The following ANO3 variants were observed in gnomAD, a reference collection of about 807,000 sequenced individuals.
ANO3 encodes anoctamin 3, also known as anoctamin-3.
ANO3 carries 99 observed loss-of-function variants against 144.8 expected under a neutral mutation model. The ratio of observed to expected loss-of-function variants is 0.68; its 90% confidence interval spans 0.58 to 0.81. ANO3 has a LOEUF of 0.81. ANO3 is among the 30% of genes least tolerant of loss of function. The pLI, the probability that ANO3 is intolerant of heterozygous loss-of-function variation, is 0.00. For missense variants in ANO3, 905 were observed against 1,202.2 expected (o/e 0.75, Z 3.66); for synonymous variants, 414 against 392.6 (o/e 1.05, Z -0.64).
chr11:26,331,245 G>A (rs1278870529), upstream of ANO3, among the ~76,000 whole-genome samples: 2 of 152,166 alleles, frequency 1.3e-5, no homozygotes, highest in African/African-American at 4.8e-5. Flanking sequence ...CCCGGGTGAT[G>A]GGGTGATCTG....
chr11:26,586,753 C>T (rs541192477), intron 14 of ANO3, among the ~76,000 whole-genome samples: 3 of 151,734 alleles, frequency 2.0e-5, no homozygotes, highest in Non-Finnish European at 4.4e-5. Context: ...CCACTTGACT[C>T]GGCCTCCCAA....
At chr11:26,632,851 A>T (rs796502071) in intron 18 of ANO3, among the ~76,000 whole-genome samples, 2 of 152,278 alleles carry the variant, frequency 1.3e-5, no homozygotes, top group African/African-American at 2.4e-5. Flanking sequence ...AAAAATCTAC[A>T]TCCTCTTTTC....
intron 13 of ANO3, 104 bp downstream of exon 13, chr11:26,553,449 A>T: frequency 3.0e-6 from 2 of 657,992 alleles, no homozygotes; most frequent in Non-Finnish European, 5.1e-6. Flanking sequence ...TGTTCTCAAG[A>T]GTTTCAACCT....
At chr11:26,305,460 T>A (rs1186929929), upstream of ANO3, among the ~76,000 whole-genome samples, 6 of 149,908 alleles carry the variant, frequency 4.0e-5, no homozygotes, top group Admixed American at 4.0e-4. Context: ...TAGCATGGGG[T>A]TTTTCCACCG....
chr11:26,580,354 C>G (rs1436735637), intron 14 of ANO3, among the ~76,000 whole-genome samples: 5 of 152,072 alleles, frequency 3.3e-5, no homozygotes. Context: ...TTTCTTTCAG[C>G]TTCATAATTC....
chr11:26,464,341 T>C (rs1859522642), intron 4 of ANO3, among the ~76,000 whole-genome samples: 1 of 151,844 alleles, frequency 6.6e-6, no homozygotes, highest in African/African-American at 2.4e-5. Context: ...ATATAAAGGC[T>C]GTTTAGAGTC....
intron 1 of ANO3, among the ~76,000 whole-genome samples, chr11:26,433,240 T>A (rs1451484938): frequency 6.6e-6 from 1 of 152,220 alleles, no homozygotes; most frequent in Non-Finnish European, 1.5e-5. Flanking sequence ...TATGTTGATT[T>A]TTTTATCCTG....
chr11:26,372,398 G>T (rs540558500), intron 1 of ANO3, among the ~76,000 whole-genome samples: 8 of 152,162 alleles, frequency 5.3e-5, no homozygotes, highest in African/African-American at 1.9e-4. Flanking sequence ...TACCAGCAGA[G>T]AATGGACTAA....
In ANO3 at chr11:26,463,156, G is replaced by A. The variant is rs375492987; in HGVS notation, c.432+8G>A. On this transcript the variant is annotated splice_region_variant and intron_variant, in intron 4 of 26. Coordinates refer to ENST00000256737, the MANE Select transcript of ANO3 (RefSeq NM_031418.4). ...AAGACAAAATTATCTAAGGTAATGAGAACTAAATTATCAATAAGTCATTTT... is the reference window on the plus strand; with the variant it reads ...AAGACAAAATTATCTAAGGTAATGAAAACTAAATTATCAATAAGTCATTTT... 6.6e-6 allele frequency: 9 copies of A among 1,370,390 alleles called. No individual in the cohort carries two copies. In the African/African-American group the frequency reaches 7.3e-5, roughly 11 times the overall value. The allele number at this position is 1,370,390 out of a possible 1,614,324, so 84.9% of individuals were successfully genotyped here.
At chr11:26,245,017 G>A (rs1003984676) in intron 1 of ANO3, among the ~76,000 whole-genome samples, 1 of 141,634 alleles carries the variant, frequency 7.1e-6, no homozygotes, top group African/African-American at 2.7e-5. Flanking sequence ...GTGTGTGTGT[G>A]TGTGCATGCA....
intron 1 of ANO3, among the ~76,000 whole-genome samples, chr11:26,260,719 G>C (rs1031763230): frequency 6.6e-6 from 1 of 152,176 alleles, no homozygotes; most frequent in Non-Finnish European, 1.5e-5. Context: ...AGGAAGTAAG[G>C]ATTAGGCACC....
At chr11:26,588,165 A>G (rs758109985) in intron 14 of ANO3, among the ~76,000 whole-genome samples, 27 of 152,220 alleles carry the variant, frequency 1.8e-4, no homozygotes, top group Admixed American at 1.4e-3. Flanking sequence ...GTTAAAACAT[A>G]GATTACAATG....
At chr11:26,499,378 A>G (rs1861096602) in intron 4 of ANO3, among the ~76,000 whole-genome samples, 1 of 151,750 alleles carries the variant, frequency 6.6e-6, no homozygotes, top group African/African-American at 2.4e-5. Context: ...TCCTACCAAA[A>G]ATATTATAAA....
intron 14 of ANO3, among the ~76,000 whole-genome samples, chr11:26,586,211 T>A (rs1318711472): frequency 2.6e-5 from 4 of 152,160 alleles, no homozygotes. Context: ...TGGTCTAAAG[T>A]GTATCTTGAG....
At chr11:26,260,208 T>C (rs1288126280) in intron 1 of ANO3, among the ~76,000 whole-genome samples, 1 of 152,134 alleles carries the variant, frequency 6.6e-6, no homozygotes, top group East Asian at 1.9e-4. Context: ...CAAGACCCAC[T>C]ATTCTGTGGC....
chr11:26,587,474 T>C (rs1298893485), intron 14 of ANO3, among the ~76,000 whole-genome samples: 2 of 152,212 alleles, frequency 1.3e-5, no homozygotes, highest in Non-Finnish European at 2.9e-5. Flanking sequence ...GCAACTGTTC[T>C]AGAGAACTGT....
At chr11:26,534,011 T>G (rs941815271) in intron 8 of ANO3, among the ~76,000 whole-genome samples, 1 of 152,146 alleles carries the variant, frequency 6.6e-6, no homozygotes, top group African/African-American at 2.4e-5. Flanking sequence ...TGGTTCTTCA[T>G]TGCTACTCTT....
At chr11:26,232,535 G>T (rs761706409) in intron 1 of ANO3, among the ~76,000 whole-genome samples, 2 of 152,184 alleles carry the variant, frequency 1.3e-5, no homozygotes, top group African/African-American at 2.4e-5. Context: ...AATAGGGAAA[G>T]GATTCCCTAT....
intron 3 of ANO3, among the ~76,000 whole-genome samples, chr11:26,451,112 G>A (rs1003805954): frequency 2.0e-5 from 3 of 152,132 alleles, no homozygotes; most frequent in Non-Finnish European, 4.4e-5. Flanking sequence ...GAGCCAAGAT[G>A]GCCGAATAGG....
Sources: allele counts gnomAD v4.1 joint callset (sites outside exome capture counted in the v4.1 genomes callset), GRCh38; gene constraint gnomAD v4.1.1; transcripts MANE v1.5; gene names NCBI Gene and HGNC (gene_info 2026-07-23, HGNC 2026-07-21).